Variants in DNAAF4 observed in about 807,000 individuals in gnomAD.
DNAAF4 encodes the protein dynein assembly factor 4, axonemal.
A neutral mutation model predicts 51.8 loss-of-function variants in DNAAF4; 43 were observed. The observed-to-expected ratio is 0.83, with a 90% CI of 0.65 to 1.07. DNAAF4 has a LOEUF of 1.07. Ranked by LOEUF, DNAAF4 falls within the 50% of genes least tolerant of loss-of-function variation. The probability of loss-of-function intolerance (pLI) is 0.00; values close to 1 mark genes in which losing one functional copy is unlikely to be tolerated. For synonymous variants in DNAAF4, 194 were observed against 165.6 expected (o/e 1.17, Z -1.32); for missense variants, 581 against 493.0 (o/e 1.18, Z -1.69).
intron 9 of DNAAF4, 54 bp from the exon 10 acceptor site, chr15:55,430,833 T>C: frequency 7.4e-7 from 1 of 1,360,200 alleles, no homozygotes; most frequent in African/African-American, 1.5e-5. Context: ...TTAGCACTTC[T>C]TTTATCTAGA....
rs1184379527 is a variant in DNAAF4, at chr15:55,439,526, A to C, written c.839T>G (p.Leu280Arg). The change falls in exon 7 of 10, where the codon CTT becomes CGT. Residue 280 changes from leucine (L) to arginine (R), a missense_variant. Coordinates refer to ENST00000321149, the MANE Select transcript of DNAAF4 (RefSeq NM_130810.4). ...RRAMNTDIAE[L>R]CDLKEEEKNP... ...CTTTTCTTCTTCTTTTAAATCGCAA[A>C]GTTCAGCTATGTCAGTATTCATTGC... The C allele has an allele frequency of 6.2e-7, 1 of 1,614,048 alleles. No homozygotes were observed. The highest frequency in any genetic ancestry group is 8.5e-7 in the Non-Finnish European group (1 of 1,180,006).
chr15:55,502,166 T>C (rs1170974972), intron 1 of DNAAF4, among the ~76,000 whole-genome samples: 1 of 152,116 alleles, frequency 6.6e-6, no homozygotes, highest in Non-Finnish European at 1.5e-5. Context: ...ATGAATTCAT[T>C]GCTCACTGAG....
At chr15:55,431,958 AT>A (rs906220862) in intron 9 of DNAAF4, among the ~76,000 whole-genome samples, 280 of 141,096 alleles carry the variant, frequency 2.0e-3, no homozygotes, top group Middle Eastern at 3.6e-3. Context: ...GTAATATAGC[AT>A]TTTTTTTTTT....
chr15:55,489,053 C>T (rs1231367068), intron 4 of DNAAF4, among the ~76,000 whole-genome samples: 1 of 151,316 alleles, frequency 6.6e-6, no homozygotes, highest in Non-Finnish European at 1.5e-5. Context: ...TGCGCCGCTG[C>T]ACTCCAGCCT....
chr15:55,490,118 C>T (rs1021724255), intron 4 of DNAAF4, among the ~76,000 whole-genome samples: 5 of 151,934 alleles, frequency 3.3e-5, no homozygotes, highest in Admixed American at 6.6e-5. Flanking sequence ...ATGATCCGCC[C>T]GCCTCGGCCT....
chr15:55,490,671 G>A (rs1422756688), intron 4 of DNAAF4, among the ~76,000 whole-genome samples: 1 of 151,958 alleles, frequency 6.6e-6, no homozygotes, highest in African/African-American at 2.4e-5. Flanking sequence ...GAACAAACAT[G>A]GGCCGGGCAC....
intron 5 of DNAAF4, among the ~76,000 whole-genome samples, chr15:55,452,237 G>A (rs1490187077): frequency 1.3e-5 from 1 of 75,670 alleles, no homozygotes; most frequent in Non-Finnish European, 2.3e-5. Context: ...AACAGAGCAT[G>A]TCTCACTAAA....
downstream of DNAAF4, among the ~76,000 whole-genome samples, chr15:55,428,716 C>T (rs1240911549): frequency 4.0e-5 from 6 of 149,734 alleles, no homozygotes; most frequent in African/African-American, 9.8e-5. Flanking sequence ...AGGATAGTCT[C>T]GATCTCCTGA....
chr15:55,438,903 A>G (rs2057662485), intron 7 of DNAAF4, among the ~76,000 whole-genome samples: 1 of 152,212 alleles, frequency 6.6e-6, no homozygotes, highest in Non-Finnish European at 1.5e-5. Context: ...AACGGATTTT[A>G]AAAGGAATTT....
intron 5 of DNAAF4, among the ~76,000 whole-genome samples, chr15:55,461,258 TG>T (rs953051009): frequency 6.6e-6 from 1 of 151,876 alleles, no homozygotes; most frequent in Non-Finnish European, 1.5e-5. Context: ...TTAGTAGAGA[TG>T]GGGTTTCACC....
intron 5 of DNAAF4, among the ~76,000 whole-genome samples, chr15:55,457,089 T>A (rs148588067): frequency 6.6e-6 from 1 of 152,176 alleles, no homozygotes; most frequent in East Asian, 1.9e-4. Flanking sequence ...CAGCCAATAG[T>A]GTGGGCAGGC....
intron 4 of DNAAF4, among the ~76,000 whole-genome samples, chr15:55,479,118 C>T (rs902829363): frequency 6.6e-6 from 1 of 150,936 alleles, no homozygotes. Context: ...TATACTAATC[C>T]TGAGACATCT....
chr15:55,445,817 C>T (rs2057793133), intron 6 of DNAAF4, among the ~76,000 whole-genome samples: 2 of 144,110 alleles, frequency 1.4e-5, no homozygotes, highest in African/African-American at 2.6e-5. Context: ...GGGGTGGCGG[C>T]CGGGCAGAGG....
At chr15:55,429,231 T>C (rs2057461981), downstream of DNAAF4, among the ~76,000 whole-genome samples, 1 of 150,732 alleles carries the variant, frequency 6.6e-6, no homozygotes, top group Admixed American at 6.6e-5. Context: ...CAAAAATAAA[T>C]AAATAAGGCC....
intron 6 of DNAAF4, among the ~76,000 whole-genome samples, chr15:55,443,617 G>A (rs113584201): frequency 2.6e-5 from 4 of 152,200 alleles, no homozygotes; most frequent in Admixed American, 6.5e-5. Context: ...TTGAGGAATC[G>A]CCACACTGTC....
intron 8 of DNAAF4, among the ~76,000 whole-genome samples, chr15:55,433,994 TA>T (rs1375538381): frequency 3.7e-5 from 1 of 26,874 alleles, no homozygotes; most frequent in South Asian, 1.7e-3. Context: ...ATAATATATA[TA>T]ATATTATATA....
chr15:55,430,604 T>A lies in DNAAF4; in HGVS notation c.*66A>T. Reference sequence around the variant, plus strand: ...CGATTCTGTACAACTGGCCATAATATGTACAAAGATGCCTCCAGTTGTTTT... The same window carrying A: ...CGATTCTGTACAACTGGCCATAATAAGTACAAAGATGCCTCCAGTTGTTTT... On this transcript the variant is annotated 3_prime_UTR_variant, in exon 10 of 10. Coordinates refer to ENST00000321149, the MANE Select transcript of DNAAF4 (RefSeq NM_130810.4). 5 of 1,553,952 alleles carry A rather than the reference T, an allele frequency of 3.2e-6. No homozygotes were observed. The highest frequency in any genetic ancestry group is 1.2e-5 in the South Asian group (1 of 83,568).
At chr15:55,440,721 G>C (rs144191412) in intron 6 of DNAAF4, among the ~76,000 whole-genome samples, 1 of 148,502 alleles carries the variant, frequency 6.7e-6, no homozygotes, top group Non-Finnish European at 1.5e-5. Context: ...TCACTCAGCT[G>C]CCCAGGCTGG....
intron 4 of DNAAF4, among the ~76,000 whole-genome samples, chr15:55,471,189 C>T (rs2058250227): frequency 1.3e-5 from 2 of 152,104 alleles, no homozygotes; most frequent in South Asian, 4.1e-4. Flanking sequence ...GTCTCCAGCC[C>T]CTATCAAAAT....
Sources: gnomAD v4.1 joint callset for allele counts (sites outside exome capture counted in the v4.1 genomes callset) on GRCh38, gnomAD v4.1.1 for gene constraint, MANE v1.5 for transcripts, NCBI Gene and HGNC (gene_info 2026-07-23, HGNC 2026-07-21) for gene names.